Variants in RBFOX2 observed in about 807,000 individuals in gnomAD.
RBFOX2 encodes the protein RNA binding fox-1 homolog 2.
RBFOX2 carries 10 observed loss-of-function variants against 49.1 expected under a neutral mutation model. The ratio of observed to expected loss-of-function variants is 0.20; its 90% CI spans 0.13 to 0.35. The LOEUF (loss-of-function observed/expected upper bound fraction) is 0.35. RBFOX2 is among the 10% of genes least tolerant of loss of function. RBFOX2 has a pLI of 1.00. For synonymous variants in RBFOX2, 183 were observed against 187.4 expected, an observed-to-expected ratio of 0.98 and a Z score of 0.19; for missense variants, 323 against 486.9, an observed-to-expected ratio of 0.66 and a Z score of 3.17.
chr22:35,756,008 T>A, intron 9 of RBFOX2, 97 bp downstream of exon 11: 1 of 775,048 alleles, frequency 1.3e-6, no homozygotes, highest in Non-Finnish European at 1.8e-6. Flanking sequence ...ATTAAATAAA[T>A]TAAAAGGAAA....
intron 1 of RBFOX2, among the ~76,000 whole-genome samples, chr22:35,821,147 A>C (rs1954367765): frequency 6.6e-6 from 1 of 152,196 alleles, no homozygotes; most frequent in African/African-American, 2.4e-5. Context: ...TTTGAAGTTC[A>C]TTCTGTTTTC....
At chr22:35,980,083 G>C (rs1234260197) in intron 1 of RBFOX2, among the ~76,000 whole-genome samples, 1 of 152,060 alleles carries the variant, frequency 6.6e-6, no homozygotes, top group Non-Finnish European at 1.5e-5. Flanking sequence ...AGGGAATGTT[G>C]GGCCTTTACT....
rs574664777 is a variant in RBFOX2, at chr22:35,935,521, T to A, written c.-34+3326A>T. 7.2e-5 allele frequency among the ~76,000 whole-genome samples: 11 copies of A among 152,308 alleles called. No individual in the cohort carries two copies. In the South Asian group the frequency reaches 1.7e-3, roughly 23 times the overall value. On this transcript the variant is annotated intron_variant, in intron 1 of 13. Coordinates refer to the RBFOX2 transcript ENST00000359369. ...ACTCCAATGTGCTATTGGGACTGTA[T>A]ATAACATGACAAAAGAATCACTAAA...
At chr22:35,893,250 G>A (rs765841625) in intron 1 of RBFOX2, among the ~76,000 whole-genome samples, 1 of 152,092 alleles carries the variant, frequency 6.6e-6, no homozygotes, top group East Asian at 1.9e-4. Flanking sequence ...TAGTAATCTT[G>A]GCATATTTCT....
At chr22:35,985,941 T>C (rs1277909932) in intron 1 of RBFOX2, among the ~76,000 whole-genome samples, 2 of 144,558 alleles carry the variant, frequency 1.4e-5, no homozygotes, top group African/African-American at 2.5e-5. Context: ...GATAGATAGA[T>C]AGATAGATAG....
intron 1 of RBFOX2, among the ~76,000 whole-genome samples, chr22:35,957,938 C>T (rs2055770689): frequency 6.6e-6 from 1 of 152,134 alleles, no homozygotes; most frequent in Non-Finnish European, 1.5e-5. Context: ...AAACTGAAGA[C>T]TTCACAAGCT....
chr22:35,780,079 T>C (rs1944797638), intron 3 of RBFOX2, among the ~76,000 whole-genome samples: 1 of 152,222 alleles, frequency 6.6e-6, no homozygotes, highest in African/African-American at 2.4e-5. Flanking sequence ...TCCTTTATGC[T>C]GCCCTTTATT....
At chr22:35,819,178 T>C (rs1329372831) in intron 1 of RBFOX2, among the ~76,000 whole-genome samples, 3 of 152,122 alleles carry the variant, frequency 2.0e-5, no homozygotes, top group Admixed American at 2.0e-4. Context: ...GCCTGGTAAT[T>C]GAATTAACCA....
At position 35,913,514 on chromosome 22, in the gene RBFOX2, T is replaced by C. The variant is rs557992143; in HGVS notation, c.-34+25333A>G. 7.4e-4 allele frequency among the ~76,000 whole-genome samples: 112 copies of C among 151,170 alleles called. 1 individual carries two copies. Among genetic ancestry groups the C allele is most frequent in the Admixed American group, 1.2e-3 (18 of 15,130 alleles). ...GTGTGTGTGTGTGTGTGTATACATA[T>C]ATAATTATATCATTATAATATGTGT... On this transcript the variant is annotated intron_variant, in intron 1 of 13. Transcript: ENST00000359369.
chr22:35,759,316 C>T lies in RBFOX2; in HGVS notation c.887+572G>A, dbSNP rs1407455513. 6.6e-6 allele frequency among the ~76,000 whole-genome samples: 1 copy of T among 152,194 alleles called. No homozygotes were observed. Among genetic ancestry groups the T allele is most frequent in the African/African-American group, 2.4e-5 (1 of 41,450 alleles). On this transcript the variant is annotated intron_variant, in intron 9 of 11. Transcript: ENST00000405409. The surrounding 1 kb of genome is among the most constrained non-coding windows in gnomAD (Gnocchi z 4.6). ...GCAGTTTAATTCTTCCTACTTCTCCCTTTCTCCCTTGATTCAATTGGACTT... is the reference window on the plus strand; with the variant it reads ...GCAGTTTAATTCTTCCTACTTCTCCTTTTCTCCCTTGATTCAATTGGACTT...
chr22:35,952,516 TC>T (rs1473642124), intron 1 of RBFOX2, among the ~76,000 whole-genome samples: 16 of 152,216 alleles, frequency 1.1e-4, no homozygotes, highest in African/African-American at 3.9e-4. Flanking sequence ...GATCATCACT[TC>T]TTAGTCTGTT....
chr22:36,015,200 A>T (rs2058986633), intron 1 of RBFOX2, among the ~76,000 whole-genome samples: 1 of 152,244 alleles, frequency 6.6e-6, no homozygotes, highest in South Asian at 2.1e-4. Context: ...GCTTAATAAG[A>T]GTCATGTATG....
chr22:35,962,740 T>G (rs1291552394), upstream of RBFOX2, among the ~76,000 whole-genome samples: 1 of 152,112 alleles, frequency 6.6e-6, no homozygotes, highest in African/African-American at 2.4e-5. Context: ...AAATTGTTAC[T>G]CCTCACTCTC....
chr22:35,940,562 T>C (rs144606679), upstream of RBFOX2, among the ~76,000 whole-genome samples: 2,407 of 152,274 alleles, frequency 0.016, 28 homozygotes, highest in Non-Finnish European at 0.023. Context: ...TAGAGTTATA[T>C]GACCCAGCAA....
chr22:35,746,433 T>C, intron 10 of RBFOX2, 40 bp downstream of exon 12: 1 of 1,462,272 alleles, frequency 6.8e-7, no homozygotes, highest in Non-Finnish European at 9.4e-7. Flanking sequence ...ATGGAACAGC[T>C]CTCATGCATC....
rs1014083425 is a variant in RBFOX2, at chr22:35,785,908, C to T, written c.253-4162G>A. Among the ~76,000 whole-genome samples the T allele has an allele frequency of 2.0e-5, 3 of 152,192 alleles. No homozygotes were observed. In the East Asian group the frequency reaches 5.8e-4, roughly 29 times the overall value. ...GCAAACCAACACGCAGTCAAAGCAA[C>T]AAGCATCAATTACAACTAATGCTCA... On this transcript the variant is annotated intron_variant, in intron 2 of 11. Coordinates refer to ENST00000405409, the Ensembl canonical transcript of RBFOX2.
intron 1 of RBFOX2, among the ~76,000 whole-genome samples, chr22:35,837,359 A>G (rs905689472): frequency 6.6e-6 from 1 of 152,210 alleles, no homozygotes; most frequent in Non-Finnish European, 1.5e-5. Flanking sequence ...ACATCCATAC[A>G]TCGCTCTTAC....
chr22:36,017,818 G>C (rs561044396), intron 1 of RBFOX2, among the ~76,000 whole-genome samples: 3 of 152,296 alleles, frequency 2.0e-5, no homozygotes, highest in East Asian at 3.9e-4. Context: ...ATACACACGT[G>C]CACTCAATTA....
At chr22:35,816,906 A>C (rs1953203079) in intron 1 of RBFOX2, among the ~76,000 whole-genome samples, 1 of 152,160 alleles carries the variant, frequency 6.6e-6, no homozygotes, top group Non-Finnish European at 1.5e-5. Flanking sequence ...TGTTCTTTGA[A>C]AGCAAAGATG....
Sources: allele counts gnomAD v4.1 joint callset (sites outside exome capture counted in the v4.1 genomes callset), GRCh38; gene constraint gnomAD v4.1.1; non-coding constraint Gnocchi (gnomAD v3.1); transcripts MANE v1.5; gene names NCBI Gene and HGNC (gene_info 2026-07-23, HGNC 2026-07-21).